CATSPERB: variants seen among roughly 807,000 people sequenced by gnomAD.
The protein encoded by CATSPERB is catsper channel auxiliary subunit beta.
Under a neutral mutation model 128.3 loss-of-function variants are expected in CATSPERB, and 93 were observed. The ratio of observed to expected loss-of-function variants is 0.72; its 90% CI spans 0.61 to 0.86. The LOEUF (loss-of-function observed/expected upper bound fraction) is 0.86. Ranked by LOEUF, CATSPERB falls within the 40% of genes least tolerant of loss-of-function variation. The probability of loss-of-function intolerance (pLI) is 0.00; values close to 1 mark genes in which losing one functional copy is unlikely to be tolerated. For missense variants in CATSPERB, 1,153 were observed against 1,329.5 expected (o/e 0.87, Z 2.06); for synonymous variants, 381 against 448.8 (o/e 0.85, Z 1.91).
intron 5 of CATSPERB, chr14:91,714,950 C>G (rs1170491201): frequency 1.3e-5 from 2 of 153,320 alleles, no homozygotes; most frequent in Non-Finnish European, 2.9e-5. Flanking sequence ...CTTCCTCTAC[C>G]ACAGGAAGAG....
chr14:91,718,087 T>C (rs1895972091), intron 5 of CATSPERB, among the ~76,000 whole-genome samples: 2 of 152,196 alleles, frequency 1.3e-5, no homozygotes, highest in African/African-American at 4.8e-5. Context: ...AAAAATAACA[T>C]GTGATCTTCA....
chr14:91,719,744 A>G (rs1895998568), intron 4 of CATSPERB, among the ~76,000 whole-genome samples: 1 of 152,198 alleles, frequency 6.6e-6, no homozygotes, highest in Non-Finnish European at 1.5e-5. Flanking sequence ...ATATAGCCAC[A>G]TAGTGGAACT....
chr14:91,711,893 G>A (rs1405319802), intron 5 of CATSPERB, among the ~76,000 whole-genome samples: 33 of 152,084 alleles, frequency 2.2e-4, no homozygotes. Flanking sequence ...AATGGAATAA[G>A]CTAGAAAAAT....
At chr14:91,711,643 T>C (rs1045900269) in intron 5 of CATSPERB, among the ~76,000 whole-genome samples, 7 of 152,186 alleles carry the variant, frequency 4.6e-5, no homozygotes, top group Non-Finnish European at 7.3e-5. Context: ...AAGAAAGCTG[T>C]AGCAGCCATA....
chr14:91,672,580 A>G (rs1350586563), intron 13 of CATSPERB, among the ~76,000 whole-genome samples: 1 of 152,230 alleles, frequency 6.6e-6, no homozygotes, highest in Non-Finnish European at 1.5e-5. Context: ...ATTTTATGGA[A>G]TCTTAAATTT....
At chr14:91,706,913 A>G (rs1895741853) in intron 6 of CATSPERB, among the ~76,000 whole-genome samples, 1 of 152,040 alleles carries the variant, frequency 6.6e-6, no homozygotes, top group Non-Finnish European at 1.5e-5. Flanking sequence ...GCTACTGTCC[A>G]TCTACTCCAG....
intron 26 of CATSPERB, among the ~76,000 whole-genome samples, chr14:91,585,694 C>A (rs183162403): frequency 6.6e-6 from 1 of 152,054 alleles, no homozygotes; most frequent in Non-Finnish European, 1.5e-5. Context: ...TTGTTGATGT[C>A]TTTTCTCTTC....
At chr14:91,704,762 T>A in intron 6 of CATSPERB, 61 bp from the exon 7 acceptor site, 1 of 1,538,416 alleles carries the variant, frequency 6.5e-7, no homozygotes, top group East Asian at 2.3e-5. Flanking sequence ...GGATGCTACT[T>A]TCCTTTAAAG....
At chr14:91,648,835 A>G (rs1214730773) in intron 15 of CATSPERB, among the ~76,000 whole-genome samples, 1 of 152,214 alleles carries the variant, frequency 6.6e-6, no homozygotes, top group Non-Finnish European at 1.5e-5. Context: ...AAAATCCAAA[A>G]TAAGACTCTG....
intron 9 of CATSPERB, among the ~76,000 whole-genome samples, chr14:91,692,808 C>G (rs1046633083): frequency 6.6e-6 from 1 of 152,110 alleles, no homozygotes; most frequent in Non-Finnish European, 1.5e-5. Context: ...TTATAAATTA[C>G]CTTAAAGCAT....
intron 10 of CATSPERB, among the ~76,000 whole-genome samples, chr14:91,689,965 A>G (rs1405997108): frequency 1.3e-5 from 2 of 152,124 alleles, no homozygotes; most frequent in African/African-American, 2.4e-5. Flanking sequence ...ATTAAACACA[A>G]AATGTATAAC....
chr14:91,681,602 C>T (rs1895282357), intron 11 of CATSPERB, among the ~76,000 whole-genome samples: 1 of 152,210 alleles, frequency 6.6e-6, no homozygotes, highest in Non-Finnish European at 1.5e-5. Flanking sequence ...TTAAACAATA[C>T]ATACACCAGT....
chr14:91,613,263 C>A (rs1893868560), intron 20 of CATSPERB, among the ~76,000 whole-genome samples: 1 of 152,100 alleles, frequency 6.6e-6, no homozygotes, highest in African/African-American at 2.4e-5. Context: ...GTAGCACAAT[C>A]TTGACTATTG....
intron 7 of CATSPERB, among the ~76,000 whole-genome samples, chr14:91,695,150 G>A (rs1438931521): frequency 1.1e-5 from 1 of 89,402 alleles, no homozygotes; most frequent in Admixed American, 1.2e-4. Context: ...TTTTTTTTTT[G>A]ATAGAGTCTC....
At chr14:91,717,259 G>A (rs1895958637) in intron 5 of CATSPERB, among the ~76,000 whole-genome samples, 1 of 152,086 alleles carries the variant, frequency 6.6e-6, no homozygotes, top group South Asian at 2.1e-4. Flanking sequence ...ATTGCCTGAT[G>A]GAACTGTTCT....
intron 10 of CATSPERB, 133 bp from the exon 11 acceptor site, chr14:91,684,076 G>A (rs2139839898): frequency 3.5e-6 from 2 of 571,722 alleles, no homozygotes; most frequent in South Asian, 4.9e-5. Context: ...AAAATTGTAT[G>A]CAAATAAAAG....
At chr14:91,610,078 A>G (rs150756723) in intron 21 of CATSPERB, among the ~76,000 whole-genome samples, 1 of 152,338 alleles carries the variant, frequency 6.6e-6, no homozygotes, top group Non-Finnish European at 1.5e-5. Context: ...CAATTGTCAC[A>G]AAATTCCAAA....
intron 2 of CATSPERB, among the ~76,000 whole-genome samples, chr14:91,727,982 C>G (rs1896146109): frequency 6.6e-6 from 1 of 152,210 alleles, no homozygotes; most frequent in Non-Finnish European, 1.5e-5. Flanking sequence ...GACACTCTTT[C>G]AATAGTTAAG....
chr14:91,584,578 A>G (rs1893264963), intron 26 of CATSPERB, among the ~76,000 whole-genome samples: 1 of 152,166 alleles, frequency 6.6e-6, no homozygotes, highest in East Asian at 1.9e-4. Flanking sequence ...AGCATTTTCA[A>G]AAGAGAAGTT....
Sources: allele counts gnomAD v4.1 joint callset (sites outside exome capture counted in the v4.1 genomes callset), GRCh38; gene constraint gnomAD v4.1.1; transcripts MANE v1.5; gene names NCBI Gene and HGNC (gene_info 2026-07-23, HGNC 2026-07-21).